Variants in WDR70 observed in about 807,000 individuals in gnomAD.
WDR70 encodes WD repeat-containing protein 70.
A neutral mutation model predicts 88.6 loss-of-function variants in WDR70; 53 were observed. The observed-to-expected ratio is 0.60, with a 90% confidence interval of 0.48 to 0.75. WDR70 has a LOEUF of 0.75. WDR70 is among the 30% of genes least tolerant of loss of function. The pLI, the probability that WDR70 is intolerant of heterozygous loss-of-function variation, is 0.00. For missense variants in WDR70, 610 were observed against 823.2 expected (o/e 0.74, Z 3.17); for synonymous variants, 280 against 270.0 (o/e 1.04, Z -0.36).
At chr5:37,519,650 G>T (rs1160402412) in intron 9 of WDR70, among the ~76,000 whole-genome samples, 1 of 143,792 alleles carries the variant, frequency 7.0e-6, no homozygotes, top group Non-Finnish European at 1.5e-5. Flanking sequence ...CAGACGGGGC[G>T]GCCGGGCGGA....
Position 37,516,728 on chromosome 5 carries a change from T to A in WDR70, c.917+138T>A, listed in dbSNP as rs1433716243. On this transcript the variant is annotated intron_variant, in intron 9 of 17. Coordinates refer to ENST00000265107, the MANE Select transcript of WDR70 (RefSeq NM_018034.4). ...TATTATATACATATATATATATATT[T>A]TTTTTTTTTTTAAGGGGGAGTCTTG... 1,667 of 177,864 alleles carry A rather than the reference T, an allele frequency of 9.4e-3. 34 individuals are homozygous for A. Among genetic ancestry groups the A allele is most frequent in the Admixed American group, 0.051 (749 of 14,620 alleles). The allele number at this position is 177,864 out of a possible 1,614,324, so 11.0% of individuals were successfully genotyped here. A position where few individuals can be genotyped will look rare whatever the true frequency, so the allele number is the denominator to read the frequency against.
At chr5:37,702,334 A>G (rs1313464165) in intron 12 of WDR70, among the ~76,000 whole-genome samples, 1 of 152,194 alleles carries the variant, frequency 6.6e-6, no homozygotes, top group Non-Finnish European at 1.5e-5. Context: ...AATGCTAACT[A>G]TATAACTTCT....
intron 9 of WDR70, among the ~76,000 whole-genome samples, chr5:37,560,876 A>G (rs889376679): frequency 2.7e-5 from 4 of 149,480 alleles, no homozygotes; most frequent in South Asian, 2.1e-4. Context: ...CACTAGTGCA[A>G]TAATAGCCCA....
In WDR70 at chr5:37,396,516, T is replaced by A. The variant is rs1561836489; in HGVS notation, c.438T>A (p.Leu146=). The change falls in exon 5 of 18, where the codon CTT becomes CTA. Residue 146 remains leucine (L), a synonymous_variant. Coordinates refer to ENST00000265107, the MANE Select transcript of WDR70 (RefSeq NM_018034.4). ...TCCTCGGTCCTTTACCTCCACCTCT[T>A]AATGAAGAAGAAGAAGAAGCAGAGG... The part of the protein sequence containing the change: ...EDILGPLPPP[L]NEEEEEAEEE... The A allele has an allele frequency of 6.2e-7, 1 of 1,613,566 alleles. No individual in the cohort carries two copies. The highest frequency in any genetic ancestry group is 8.5e-7 in the Non-Finnish European group (1 of 1,179,930).
At chr5:37,508,880 G>A (rs1021781679) in intron 8 of WDR70, among the ~76,000 whole-genome samples, 4 of 152,114 alleles carry the variant, frequency 2.6e-5, no homozygotes, top group African/African-American at 9.7e-5. Flanking sequence ...CAAATGTTTG[G>A]TAGAGTTTGC....
chr5:37,505,734 A>C (rs1261311176), intron 8 of WDR70: 5 of 1,287,212 alleles, frequency 3.9e-6, no homozygotes, highest in Non-Finnish European at 3.4e-6. Flanking sequence ...CATCTCTTCA[A>C]ATATAGCTCC....
chr5:37,704,273 T>C (rs1347539941), intron 13 of WDR70, among the ~76,000 whole-genome samples: 1 of 152,184 alleles, frequency 6.6e-6, no homozygotes, highest in Non-Finnish European at 1.5e-5. Flanking sequence ...AACTTTCATC[T>C]CAGAAAGTAA....
At chr5:37,737,707 C>A (rs1440834742) in intron 17 of WDR70, among the ~76,000 whole-genome samples, 1 of 152,136 alleles carries the variant, frequency 6.6e-6, no homozygotes, top group East Asian at 1.9e-4. Context: ...TGTCTCAAGC[C>A]TGTGTGTTCT....
At chr5:37,667,901 GT>G (rs1399856092) in intron 10 of WDR70, among the ~76,000 whole-genome samples, 1 of 139,068 alleles carries the variant, frequency 7.2e-6, no homozygotes, top group Non-Finnish European at 1.5e-5. Context: ...CTTTAGAAAT[GT>G]TAAGGAGGTT....
intron 10 of WDR70, among the ~76,000 whole-genome samples, chr5:37,617,917 T>C (rs1199849780): frequency 6.6e-6 from 1 of 152,194 alleles, no homozygotes; most frequent in Non-Finnish European, 1.5e-5. Context: ...CAAAACTTTG[T>C]AGATTAATAT....
intron 17 of WDR70, among the ~76,000 whole-genome samples, chr5:37,731,334 T>A (rs1748137951): frequency 6.6e-6 from 1 of 152,292 alleles, no homozygotes; most frequent in South Asian, 2.1e-4. Context: ...CTATGTAATG[T>A]CAATGTGGTT....
chr5:37,627,752 A>G (rs2112518195), intron 10 of WDR70, among the ~76,000 whole-genome samples: 1 of 152,110 alleles, frequency 6.6e-6, no homozygotes, highest in South Asian at 2.1e-4. Context: ...TCCTCTTGTT[A>G]TGTCTAGTTT....
At position 37,650,458 on chromosome 5, in the gene WDR70, G is replaced by A. The variant is rs192484740; in HGVS notation, c.1092+45220G>A. On this transcript the variant is annotated intron_variant, in intron 10 of 17. Coordinates refer to ENST00000265107, the MANE Select transcript of WDR70 (RefSeq NM_018034.4). ...GATGTAAGAGACAGATGATATCAAG[G>A]ACTACTTGGTAAAGAGTCAGAGATG... Among the ~76,000 whole-genome samples the A allele has an allele frequency of 2.6e-5, 4 of 152,174 alleles. No homozygotes were observed. In the East Asian group the frequency reaches 5.8e-4, roughly 22 times the overall value.
intron 7 of WDR70, among the ~76,000 whole-genome samples, chr5:37,474,710 C>T (rs1324350951): frequency 2.0e-5 from 3 of 152,132 alleles, no homozygotes; most frequent in Non-Finnish European, 4.4e-5. Context: ...TATTCTTCCA[C>T]ATGCTCTCCC....
intron 7 of WDR70, among the ~76,000 whole-genome samples, chr5:37,468,979 G>T (rs945188279): frequency 6.6e-6 from 1 of 152,130 alleles, no homozygotes; most frequent in Non-Finnish European, 1.5e-5. Flanking sequence ...GTCCCCCATG[G>T]ATACTGAGGG....
At chr5:37,716,432 T>A (rs1747658055) in intron 13 of WDR70, among the ~76,000 whole-genome samples, 1 of 152,160 alleles carries the variant, frequency 6.6e-6, no homozygotes, top group South Asian at 2.1e-4. Flanking sequence ...TCTACTGGGT[T>A]AGGTGGGTTT....
intron 7 of WDR70, among the ~76,000 whole-genome samples, chr5:37,447,778 G>C (rs998101081): frequency 2.6e-5 from 4 of 152,128 alleles, no homozygotes; most frequent in African/African-American, 9.7e-5. Context: ...CACACACCGG[G>C]GCCTGTCATG....
intron 10 of WDR70, among the ~76,000 whole-genome samples, chr5:37,646,834 C>T (rs1054550262): frequency 6.6e-6 from 1 of 152,084 alleles, no homozygotes; most frequent in Admixed American, 6.6e-5. Context: ...TAAGTGTCTT[C>T]TGCTCTTTTT....
At chr5:37,714,996 C>G (rs1440180925) in intron 13 of WDR70, among the ~76,000 whole-genome samples, 1 of 152,026 alleles carries the variant, frequency 6.6e-6, no homozygotes, top group Non-Finnish European at 1.5e-5. Context: ...CATTTAGTGC[C>G]AAGGATGACT....
Sources: allele counts gnomAD v4.1 joint callset (sites outside exome capture counted in the v4.1 genomes callset), GRCh38; gene constraint gnomAD v4.1.1; transcripts MANE v1.5; gene names NCBI Gene and HGNC (gene_info 2026-07-23, HGNC 2026-07-21).